TTC17: variants seen among roughly 807,000 people sequenced by gnomAD.
TTC17 encodes the protein tetratricopeptide repeat protein 17.
Under a neutral mutation model 143.8 loss-of-function variants are expected in TTC17, and 58 were observed. That is an observed-to-expected ratio of 0.40 (90% CI 0.33 to 0.50). The LOEUF is 0.50. Ranked by LOEUF, TTC17 falls within the 20% of genes least tolerant of loss-of-function variation. The pLI is 0.49. For synonymous variants in TTC17, 501 were observed against 497.8 expected (o/e 1.01, Z -0.09); for missense variants, 1,273 against 1,392.5 (o/e 0.91, Z 1.37).
chr11:43,417,044 G>C (rs1307054023), intron 16 of TTC17, among the ~76,000 whole-genome samples: 2 of 152,040 alleles, frequency 1.3e-5, no homozygotes, highest in African/African-American at 4.8e-5. Context: ...GCATTTTCTA[G>C]GTTTAAAAAT....
chr11:43,439,001 T>C (rs937838275), intron 16 of TTC17, among the ~76,000 whole-genome samples: 3 of 152,226 alleles, frequency 2.0e-5, no homozygotes, highest in Non-Finnish European at 4.4e-5. Flanking sequence ...TTTTGTCTTA[T>C]GAGGCTAACA....
chr11:43,398,465 T>C (rs1478285016), intron 8 of TTC17, among the ~76,000 whole-genome samples: 1 of 152,242 alleles, frequency 6.6e-6, no homozygotes, highest in East Asian at 1.9e-4. Flanking sequence ...TTTATTTGCA[T>C]AGAATATACT....
chr11:43,386,432 TA>T (rs1170552731), intron 2 of TTC17, among the ~76,000 whole-genome samples: 2 of 152,258 alleles, frequency 1.3e-5, no homozygotes, highest in East Asian at 3.9e-4. Flanking sequence ...TAACTAAGCA[TA>T]AAAAAGGTAC....
chr11:43,371,026 G>C (rs894322954), intron 1 of TTC17, among the ~76,000 whole-genome samples: 8 of 83,316 alleles, frequency 9.6e-5, no homozygotes, highest in East Asian at 2.4e-4. Flanking sequence ...GGGGAGGTGG[G>C]GGGGGGGGTC....
intron 2 of TTC17, 86 bp from the exon 3 acceptor site, chr11:43,389,566 T>C (rs1380596721): frequency 8.8e-6 from 12 of 1,367,676 alleles, no homozygotes; most frequent in Non-Finnish European, 1.1e-5. Context: ...TTCTGACTTC[T>C]TCAGCTCAGA....
chr11:43,413,484 A>G (rs1946704660), intron 15 of TTC17, among the ~76,000 whole-genome samples: 1 of 152,226 alleles, frequency 6.6e-6, no homozygotes, highest in Non-Finnish European at 1.5e-5. Context: ...GCTGAACTTC[A>G]TTGAAATTAA....
chr11:43,415,503 A>G (rs1409518555), intron 16 of TTC17, among the ~76,000 whole-genome samples: 1 of 152,128 alleles, frequency 6.6e-6, no homozygotes, highest in East Asian at 1.9e-4. Context: ...GATCCTCAGT[A>G]TCTAGCCATT....
At position 43,399,955 on chromosome 11, in the gene TTC17, C is replaced by A. The variant is rs774154526; in HGVS notation, c.1126C>A (p.Gln376Lys). ...GCAGCATGACCACTACCTGAGACAG[C>A]AGGAAATCCTAGAAAAACATAAACT... ...QKQHDHYLRQ[Q>K]EILEKHKLIQ... Residue 376 changes from glutamine to lysine, a missense_variant, in exon 9 of 24, where the codon CAG becomes AAG. Physicochemically the swap from Gln to Lys is moderately conservative, Grantham distance 53. Coordinates refer to ENST00000039989, the MANE Select transcript of TTC17 (RefSeq NM_018259.6). The A allele has an allele frequency of 2.5e-6, 4 of 1,613,884 alleles. 1 individual carries two copies. In the South Asian group the frequency reaches 4.4e-5, roughly 18 times the overall value.
In TTC17 at chr11:43,362,150, TGTG is replaced by T. The variant is rs1411664588; in HGVS notation, c.159+3038_159+3040del. ...CATGCACTACCACACCCGGCTAATT[TGTG>T]TGTGTGTGTGTGTGTGTGTGTGTGT... On this transcript the variant is annotated intron_variant, in intron 1 of 23. Coordinates refer to ENST00000039989, the MANE Select transcript of TTC17 (RefSeq NM_018259.6). Among the ~76,000 whole-genome samples, 3 of 5,154 alleles carry T rather than the reference TGTG, an allele frequency of 5.8e-4. No homozygotes were observed. In the South Asian group the frequency reaches 0.036, roughly 61 times the overall value. 3.4% of individuals were successfully genotyped at this position (5,154 alleles called of 152,430 possible).
At chr11:43,398,511 G>A (rs573315647) in intron 8 of TTC17, among the ~76,000 whole-genome samples, 5 of 152,232 alleles carry the variant, frequency 3.3e-5, no homozygotes, top group East Asian at 3.9e-4. Flanking sequence ...TGCAATAGTT[G>A]ATATTTCTCC....
At chr11:43,453,999 C>G (rs977729526) in intron 21 of TTC17, among the ~76,000 whole-genome samples, 13 of 152,124 alleles carry the variant, frequency 8.5e-5, no homozygotes, top group Admixed American at 7.9e-4. Flanking sequence ...GAGTGTTGTA[C>G]TGCTTTCTAC....
intron 21 of TTC17, among the ~76,000 whole-genome samples, chr11:43,475,393 C>T (rs773135979): frequency 1.2e-4 from 18 of 152,130 alleles, no homozygotes; most frequent in East Asian, 7.7e-4. Context: ...GGTGCAGTGG[C>T]GTGATCACCA....
chr11:43,481,251 G>A (rs2134864415), intron 21 of TTC17, among the ~76,000 whole-genome samples: 1 of 152,286 alleles, frequency 6.6e-6, no homozygotes, highest in East Asian at 1.9e-4. Flanking sequence ...TAGATGTACA[G>A]TTAGAAATTG....
At chr11:43,490,535 T>C (rs930570968) in intron 22 of TTC17, among the ~76,000 whole-genome samples, 177 bp downstream of exon 22, 1 of 152,206 alleles carries the variant, frequency 6.6e-6, no homozygotes, top group South Asian at 2.1e-4. Flanking sequence ...CTATGAACTA[T>C]CCCTGCTGCC....
At chr11:43,413,503 GT>G (rs1337017502) in intron 15 of TTC17, among the ~76,000 whole-genome samples, 1 of 152,052 alleles carries the variant, frequency 6.6e-6, no homozygotes, top group South Asian at 2.1e-4. Flanking sequence ...AAGAAATTCT[GT>G]TTATCAAAAG....
chr11:43,378,614 C>T (rs1322360342), intron 1 of TTC17, among the ~76,000 whole-genome samples: 4 of 152,114 alleles, frequency 2.6e-5, no homozygotes, highest in Non-Finnish European at 5.9e-5. Context: ...GCAATTGTAA[C>T]ATTTTGATAT....
chr11:43,433,300 A>G (rs564503524), intron 16 of TTC17, among the ~76,000 whole-genome samples: 10 of 152,278 alleles, frequency 6.6e-5, no homozygotes, highest in African/African-American at 1.4e-4. Context: ...CGCCTGGCCA[A>G]ACTGGTCTGT....
At position 43,374,823 on chromosome 11, in the gene TTC17, A is replaced by T. The variant is rs527529024; in HGVS notation, c.160-4410A>T. ...TCTTATACACAGTTGATGGAAATGTAAATTAGTTCAGCCCCTGTGGAGATT... is the reference window on the plus strand; with the variant it reads ...TCTTATACACAGTTGATGGAAATGTTAATTAGTTCAGCCCCTGTGGAGATT... On this transcript the variant is annotated intron_variant, in intron 1 of 23. Coordinates refer to ENST00000039989, the MANE Select transcript of TTC17 (RefSeq NM_018259.6). 2.6e-5 allele frequency among the ~76,000 whole-genome samples: 4 copies of T among 152,188 alleles called. No homozygotes were observed. In the East Asian group the frequency reaches 7.7e-4, roughly 29 times the overall value.
Position 43,414,570 on chromosome 11 carries a change from C to G in TTC17, c.2065-20C>G. 6.3e-7 allele frequency: 1 copy of G among 1,583,386 alleles called. No individual in the cohort carries two copies. The highest frequency in any genetic ancestry group is 8.6e-7 in the Non-Finnish European group (1 of 1,166,714). The stretch of plus-strand genomic sequence containing the variant: ...AAATATTAGTTCATTAACATTTTGC[C>G]GATTTTTTTTTCTTTTCAGCCTCTG... On this transcript the variant is annotated intron_variant, in intron 15 of 23. Transcript: ENST00000039989.
Sources: allele counts gnomAD v4.1 joint callset (sites outside exome capture counted in the v4.1 genomes callset), GRCh38; gene constraint gnomAD v4.1.1; transcripts MANE v1.5; gene names NCBI Gene and HGNC (gene_info 2026-07-23, HGNC 2026-07-21).